Variants in CERKL observed in about 807,000 individuals in gnomAD.
CERKL encodes the protein ceramide kinase-like protein.
CERKL carries 61 observed loss-of-function variants against 63.4 expected under a neutral mutation model. The ratio of observed to expected loss-of-function variants is 0.96; its 90% CI spans 0.78 to 1.19. The LOEUF (loss-of-function observed/expected upper bound fraction) is 1.19. CERKL is among the 50% of genes most tolerant of loss of function. The pLI is 0.00. For missense variants in CERKL, 675 were observed against 655.5 expected (o/e 1.03, Z -0.33); for synonymous variants, 250 against 230.5 (o/e 1.08, Z -0.77).
At chr2:181,655,748 TTAA>T (rs1688126561) in intron 1 of CERKL, among the ~76,000 whole-genome samples, 2 of 152,340 alleles carry the variant, frequency 1.3e-5, no homozygotes, top group South Asian at 4.1e-4. Context: ...GGCAATTTTT[TTAA>T]TTTCATAAAT....
At chr2:181,629,248 G>T (rs1330595407) in intron 1 of CERKL, among the ~76,000 whole-genome samples, 1 of 152,126 alleles carries the variant, frequency 6.6e-6, no homozygotes, top group Non-Finnish European at 1.5e-5. Context: ...AATCACTTAT[G>T]ATCAAGAACA....
rs1689007552 is a variant in CERKL at position 181,573,751 on chromosome 2, A to G, written c.613+2T>C. ...TGAAATTATATTCTGAAAATTACTTACTTGTTACATCAGTTTTTATTCCTG... is the reference window on the plus strand; with the variant it reads ...TGAAATTATATTCTGAAAATTACTTGCTTGTTACATCAGTTTTTATTCCTG... On this transcript the variant is annotated splice_donor_variant, in intron 3 of 12. Transcript: ENST00000410087. LOFTEE classifies it high-confidence loss of function. 6.2e-7 allele frequency: 1 copy of G among 1,611,132 alleles called. No homozygotes were observed. Among genetic ancestry groups the G allele is most frequent in the African/African-American group, 1.3e-5 (1 of 74,844 alleles).
intron 2 of CERKL, among the ~76,000 whole-genome samples, chr2:181,598,767 C>T (rs1685331436): frequency 6.6e-6 from 1 of 152,006 alleles, no homozygotes; most frequent in African/African-American, 2.4e-5. Flanking sequence ...TTTAAGAAAG[C>T]TACCACGCCC....
At chr2:181,613,285 G>A (rs1320246769) in intron 1 of CERKL, among the ~76,000 whole-genome samples, 1 of 152,132 alleles carries the variant, frequency 6.6e-6, no homozygotes, top group Admixed American at 6.6e-5. Flanking sequence ...TAAAACAGTA[G>A]GTGAACCACA....
intron 1 of CERKL, among the ~76,000 whole-genome samples, chr2:181,616,245 A>G (rs1228730647): frequency 8.0e-6 from 1 of 124,674 alleles, no homozygotes; most frequent in Non-Finnish European, 1.6e-5. Flanking sequence ...ACAGAGTCTC[A>G]CTCTGTCACC....
chr2:181,598,746 A>G (rs1685327980), intron 2 of CERKL, among the ~76,000 whole-genome samples: 1 of 152,126 alleles, frequency 6.6e-6, no homozygotes, highest in Admixed American at 6.5e-5. Flanking sequence ...ACATTGCTAC[A>G]ATAAGCAGCA....
At chr2:181,655,986 T>C (rs554046653) in intron 1 of CERKL, among the ~76,000 whole-genome samples, 1 of 152,328 alleles carries the variant, frequency 6.6e-6, no homozygotes, top group Non-Finnish European at 1.5e-5. Context: ...ATAAAATATC[T>C]GTTAAGTCTA....
intron 2 of CERKL, among the ~76,000 whole-genome samples, chr2:181,601,087 C>T (rs1685439379): frequency 6.6e-6 from 1 of 152,082 alleles, no homozygotes; most frequent in African/African-American, 2.4e-5. Flanking sequence ...AACTAAACAA[C>T]CTGCACCTGA....
chr2:181,556,363 G>A (rs1378349041), intron 5 of CERKL, among the ~76,000 whole-genome samples: 1 of 151,918 alleles, frequency 6.6e-6, no homozygotes, highest in East Asian at 1.9e-4. Flanking sequence ...ATTTACATTA[G>A]GTATTTCTCC....
At chr2:181,577,981 C>G (rs930411206) in intron 2 of CERKL, among the ~76,000 whole-genome samples, 16 of 152,126 alleles carry the variant, frequency 1.1e-4, no homozygotes, top group Admixed American at 9.2e-4. Flanking sequence ...TACTTTTCAC[C>G]AAGTGACCTC....
At chr2:181,600,617 A>G (rs1438397196) in intron 2 of CERKL, among the ~76,000 whole-genome samples, 1 of 152,190 alleles carries the variant, frequency 6.6e-6, no homozygotes, top group Non-Finnish European at 1.5e-5. Flanking sequence ...AAAGAGACAA[A>G]GGAGGGCATT....
intron 2 of CERKL, among the ~76,000 whole-genome samples, chr2:181,586,870 G>A (rs1249301144): frequency 6.6e-6 from 1 of 152,162 alleles, no homozygotes; most frequent in Non-Finnish European, 1.5e-5. Context: ...ATGGCATGGT[G>A]TTCATCAAAG....
intron 1 of CERKL, among the ~76,000 whole-genome samples, chr2:181,646,720 T>G (rs530627953): frequency 1.3e-5 from 2 of 152,164 alleles, no homozygotes; most frequent in East Asian, 3.9e-4. Context: ...CCAAGAGAGT[T>G]AAGTCAAAGT....
intron 1 of CERKL, among the ~76,000 whole-genome samples, chr2:181,615,937 T>A (rs1017563939): frequency 6.6e-6 from 1 of 152,148 alleles, no homozygotes; most frequent in Non-Finnish European, 1.5e-5. Context: ...TACAACGAAG[T>A]AGGCTTCTTA....
At position 181,558,859 on chromosome 2, in the gene CERKL, G is replaced by A; in HGVS notation, c.678-151C>T. ...TTAAACATGTTAATATGTGTCAATG[G>A]GTAAGACAACACAAACACAACACAG... is the stretch of plus-strand genomic sequence containing the variant. On this transcript the variant is annotated intron_variant, in intron 4 of 12. Transcript: ENST00000410087. This position sits in a 1 kb window ranked among gnomAD's most constrained non-coding sequence, Gnocchi z 4.2. The A allele has an allele frequency of 1.3e-6, 1 of 753,616 alleles. No homozygotes were observed. Among genetic ancestry groups the A allele is most frequent in the South Asian group, 1.6e-5 (1 of 64,444 alleles). 46.7% of individuals were successfully genotyped at this position (753,616 alleles called of 1,614,324 possible).
At chr2:181,634,214 G>A (rs1043824660) in intron 1 of CERKL, among the ~76,000 whole-genome samples, 3 of 152,046 alleles carry the variant, frequency 2.0e-5, no homozygotes, top group Non-Finnish European at 2.9e-5. Flanking sequence ...GTAGATTCAC[G>A]TTAAAAAGTG....
chr2:181,642,278 A>G (rs978510094), intron 1 of CERKL, among the ~76,000 whole-genome samples: 1 of 152,220 alleles, frequency 6.6e-6, no homozygotes, highest in Non-Finnish European at 1.5e-5. Flanking sequence ...ACAGTCTACC[A>G]ACAGATGTCT....
At chr2:181,578,097 A>C (rs1360003096) in intron 2 of CERKL, among the ~76,000 whole-genome samples, 1 of 152,142 alleles carries the variant, frequency 6.6e-6, no homozygotes, top group African/African-American at 2.4e-5. Flanking sequence ...TATTTAGCGC[A>C]TTCACTGATA....
chr2:181,641,613 A>G (rs191883466), intron 1 of CERKL, among the ~76,000 whole-genome samples: 36 of 152,260 alleles, frequency 2.4e-4, no homozygotes, highest in Admixed American at 5.2e-4. Context: ...TTCAAAAGCT[A>G]TATCTTCCTT....
Sources: gnomAD v4.1 joint callset for allele counts (sites outside exome capture counted in the v4.1 genomes callset) on GRCh38, gnomAD v4.1.1 for gene constraint, Gnocchi (gnomAD v3.1) non-coding constraint, MANE v1.5 for transcripts, NCBI Gene and HGNC (gene_info 2026-07-23, HGNC 2026-07-21) for gene names.